The following GOLPH3L variants were observed in gnomAD, a reference collection of about 807,000 sequenced individuals.
The protein encoded by GOLPH3L is Golgi phosphoprotein 3-like.
A neutral mutation model predicts 30.3 loss-of-function variants in GOLPH3L; 22 were observed. The observed-to-expected ratio is 0.73, with a 90% CI of 0.52 to 1.04. GOLPH3L has a LOEUF of 1.04. GOLPH3L is among the 50% of genes least tolerant of loss of function. GOLPH3L has a pLI of 0.00. For synonymous variants in GOLPH3L, 120 were observed against 128.2 expected (o/e 0.94, Z 0.43); for missense variants, 303 against 345.8 (o/e 0.88, Z 0.98).
intron 3 of GOLPH3L, 151 bp from the exon 4 acceptor site, chr1:150,662,079 T>C: frequency 1.7e-6 from 1 of 575,348 alleles, no homozygotes; most frequent in South Asian, 2.3e-5. Context: ...GTTTAAAATA[T>C]AGTATGGAGT....
At chr1:150,667,153 T>C (rs1475775327) in intron 2 of GOLPH3L, among the ~76,000 whole-genome samples, 1 of 152,170 alleles carries the variant, frequency 6.6e-6, no homozygotes, top group African/African-American at 2.4e-5. Context: ...AAGACTGATT[T>C]GGTAATTTGC....
intron 4 of GOLPH3L, among the ~76,000 whole-genome samples, chr1:150,655,825 A>G (rs1194508489): frequency 6.6e-6 from 1 of 152,242 alleles, no homozygotes; most frequent in Non-Finnish European, 1.5e-5. Flanking sequence ...TCAGTTATAC[A>G]ACCTATGGGA....
intron 2 of GOLPH3L, among the ~76,000 whole-genome samples, chr1:150,677,261 G>A (rs949309479): frequency 6.6e-6 from 1 of 151,444 alleles, no homozygotes; most frequent in Non-Finnish European, 1.5e-5. Context: ...TTTTGAGACA[G>A]AGTCTCGCTC....
intron 2 of GOLPH3L, among the ~76,000 whole-genome samples, chr1:150,686,480 C>T (rs766684615): frequency 4.6e-5 from 7 of 152,274 alleles, no homozygotes; most frequent in African/African-American, 1.7e-4. Context: ...GCTGGGAATA[C>T]AGGCAGTGAA....
chr1:150,649,388 C>T (rs1650053934), intron 4 of GOLPH3L, among the ~76,000 whole-genome samples: 1 of 152,192 alleles, frequency 6.6e-6, no homozygotes, highest in African/African-American at 2.4e-5. Context: ...AGCTCCAAAG[C>T]TCTGCCTGAG....
chr1:150,650,548 G>C (rs762917134), intron 4 of GOLPH3L, among the ~76,000 whole-genome samples: 1 of 152,152 alleles, frequency 6.6e-6, no homozygotes, highest in Non-Finnish European at 1.5e-5. Flanking sequence ...GTTGAGCTCT[G>C]CCTCCCATCA....
chr1:150,689,789 C>A (rs1651167599), intron 2 of GOLPH3L, among the ~76,000 whole-genome samples: 1 of 152,006 alleles, frequency 6.6e-6, no homozygotes, highest in African/African-American at 2.4e-5. Context: ...GTGCATGCCA[C>A]CACACCCAGC....
intron 2 of GOLPH3L, among the ~76,000 whole-genome samples, chr1:150,682,913 G>A (rs890954533): frequency 1.3e-5 from 2 of 152,150 alleles, no homozygotes; most frequent in East Asian, 1.9e-4. Flanking sequence ...TAACTGGCAC[G>A]GACTTTCTTC....
At chr1:150,649,553 G>C (rs1168717813) in intron 4 of GOLPH3L, among the ~76,000 whole-genome samples, 1 of 152,152 alleles carries the variant, frequency 6.6e-6, no homozygotes, top group Non-Finnish European at 1.5e-5. Flanking sequence ...AAGTTTAACA[G>C]GCAGAACCAG....
chr1:150,693,834 T>C lies in GOLPH3L; in HGVS notation c.183+822A>G, dbSNP rs1392995550. Among the ~76,000 whole-genome samples the C allele has an allele frequency of 9.0e-4, 92 of 102,418 alleles. 1 individual carries two copies. Among genetic ancestry groups the C allele is most frequent in the African/African-American group, 3.5e-3 (90 of 25,832 alleles). The allele number at this position is 102,418 out of a possible 152,430, so 67.2% of individuals were successfully genotyped here. On this transcript the variant is annotated intron_variant, in intron 2 of 4. Coordinates refer to ENST00000271732, the MANE Select transcript of GOLPH3L (RefSeq NM_018178.6). Reference sequence around the variant, plus strand: ...GTGTGTGTGTGTATATATATATATATATATATATATATATTTTTTTTTTTT... The same window carrying C: ...GTGTGTGTGTGTATATATATATATACATATATATATATATTTTTTTTTTTT...
At chr1:150,671,199 G>A (rs1453935836) in intron 2 of GOLPH3L, among the ~76,000 whole-genome samples, 2 of 151,208 alleles carry the variant, frequency 1.3e-5, no homozygotes, top group Non-Finnish European at 2.9e-5. Context: ...GTGAGTTCGT[G>A]CCACTGCACT....
intron 4 of GOLPH3L, among the ~76,000 whole-genome samples, chr1:150,655,405 G>A (rs587680241): frequency 8.5e-4 from 130 of 152,194 alleles, no homozygotes; most frequent in African/African-American, 3.1e-3. Context: ...TTACAACAAT[G>A]GGGAGCACAA....
intron 3 of GOLPH3L, among the ~76,000 whole-genome samples, chr1:150,662,972 C>T (rs1650404138): frequency 6.6e-6 from 1 of 151,926 alleles, no homozygotes; most frequent in Admixed American, 6.6e-5. Context: ...TGGAGAATAA[C>T]CAGGGTTAAT....
At chr1:150,676,351 T>C (rs587659042) in intron 2 of GOLPH3L, among the ~76,000 whole-genome samples, 133 of 152,188 alleles carry the variant, frequency 8.7e-4, no homozygotes, top group African/African-American at 2.7e-3. Context: ...GTTATCAATA[T>C]AATCTTTCAT....
At chr1:150,663,889 A>G in intron 2 of GOLPH3L, 126 bp from the exon 3 acceptor site, 1 of 646,830 alleles carries the variant, frequency 1.5e-6, no homozygotes, top group Non-Finnish European at 2.7e-6. Flanking sequence ...CTCAAAGTAT[A>G]GAGTAAGAGG....
intron 2 of GOLPH3L, among the ~76,000 whole-genome samples, chr1:150,677,843 CT>C (rs1280018668): frequency 2.6e-5 from 4 of 151,414 alleles, no homozygotes; most frequent in African/African-American, 9.7e-5. Flanking sequence ...CCAAGCTGGT[CT>C]CAAACTCATA....
rs1324415698 is a variant in GOLPH3L, at chr1:150,648,700, C to T, written c.479G>A (p.Arg160Gln). The change falls in exon 5 of 5, where the codon CGA becomes CAA. Residue 160 changes from arginine to glutamine, a missense_variant. Transcript: ENST00000271732. ...FKLQYQLRNV[R>Q]ERIAKNLVEK... ...TACTAGGTTCTTTGCGATGCGCTCTCGTACATTTCTCAGCTGGTACTGTAA... is the reference window on the plus strand; with the variant it reads ...TACTAGGTTCTTTGCGATGCGCTCTTGTACATTTCTCAGCTGGTACTGTAA... 10 of 1,612,568 alleles carry T rather than the reference C, an allele frequency of 6.2e-6. No homozygotes were observed. The highest frequency in any genetic ancestry group is 1.3e-5 in the African/African-American group (1 of 74,970).
chr1:150,696,898 C>T (rs189621274), intron 1 of GOLPH3L, 94 bp downstream of exon 1: 4 of 152,194 alleles, frequency 2.6e-5, no homozygotes, highest in African/African-American at 7.2e-5. Flanking sequence ...TGAATACAAA[C>T]CTTTCCCTCC....
intron 4 of GOLPH3L, among the ~76,000 whole-genome samples, chr1:150,652,278 G>A (rs1650119193): frequency 6.6e-6 from 1 of 150,698 alleles, no homozygotes; most frequent in Admixed American, 6.7e-5. Context: ...CTACTCAGGA[G>A]GCTGAGGCAG....
Sources: allele counts gnomAD v4.1 joint callset (sites outside exome capture counted in the v4.1 genomes callset), GRCh38; gene constraint gnomAD v4.1.1; transcripts MANE v1.5; gene names NCBI Gene and HGNC (gene_info 2026-07-23, HGNC 2026-07-21).